ARID1A: variants seen among roughly 807,000 people sequenced by gnomAD.
The protein encoded by ARID1A is AT-rich interaction domain 1A.
A neutral mutation model predicts 212.6 loss-of-function variants in ARID1A; 20 were observed. The observed-to-expected ratio is 0.09, with a 90% CI of 0.07 to 0.14. The LOEUF (loss-of-function observed/expected upper bound fraction) is 0.14. Ranked by LOEUF, ARID1A falls within the 10% of genes least tolerant of loss-of-function variation. The probability of loss-of-function intolerance (pLI) is 1.00; values close to 1 mark genes in which losing one functional copy is unlikely to be tolerated. For missense variants in ARID1A, 2,587 were observed against 3,059.0 expected, an observed-to-expected ratio of 0.85 and a Z score of 3.64; for synonymous variants, 1,376 against 1,222.1, an observed-to-expected ratio of 1.13 and a Z score of -2.63.
chr1:26,726,218 G>C (rs1218822994), intron 1 of ARID1A, among the ~76,000 whole-genome samples: 5 of 148,736 alleles, frequency 3.4e-5, no homozygotes, highest in Non-Finnish European at 4.5e-5. Flanking sequence ...TGCTGCCCAG[G>C]ATGGAGTGCA....
chr1:26,730,000 T>A, intron 2 of ARID1A, 137 bp downstream of exon 2: 5 of 1,108,830 alleles, frequency 4.5e-6, no homozygotes, highest in Non-Finnish European at 5.2e-6. Flanking sequence ...AATTACAGAG[T>A]GCTACTAACA....
intron 4 of ARID1A, among the ~76,000 whole-genome samples, chr1:26,734,343 CT>C (rs55976597): frequency 0.59 from 71,226 of 121,322 alleles, 20,444 homozygotes; most frequent in East Asian, 0.93. Context: ...TATTTGGCTT[CT>C]TTTTTTTTTT....
At position 26,731,574 on chromosome 1, in the gene ARID1A, C is replaced by G. The variant is rs866319017; in HGVS notation, c.1773C>G (p.Ala591=). 1.2e-6 allele frequency: 2 copies of G among 1,614,066 alleles called. No individual in the cohort carries two copies. The highest frequency in any genetic ancestry group is 2.2e-5 in the South Asian group (2 of 91,076). The part of the protein sequence containing the change: ...QPQSQQSQQT[A]YSQQRFPPPQ... ...AGTCTCAGCAGTCCCAGCAAACTGC[C>G]TATTCCCAGCAGCGCTTCCCTCCAC... The change falls in exon 3 of 20, where the codon GCC becomes GCG. Residue 591 remains alanine, a synonymous_variant. Coordinates refer to ENST00000324856, the MANE Select transcript of ARID1A (RefSeq NM_006015.6).
At chr1:26,702,192 C>T (rs1306625281) in intron 1 of ARID1A, among the ~76,000 whole-genome samples, 2 of 152,134 alleles carry the variant, frequency 1.3e-5, no homozygotes, top group Non-Finnish European at 1.5e-5. Context: ...GCAAATGTTC[C>T]TGAGACTGGA....
At chr1:26,743,584 C>T (rs1042145309) in intron 4 of ARID1A, among the ~76,000 whole-genome samples, 2 of 151,494 alleles carry the variant, frequency 1.3e-5, no homozygotes, top group African/African-American at 4.9e-5. Context: ...ACCTATAGTC[C>T]CAGCACTTTG....
chr1:26,768,713 C>T (rs939805447), intron 11 of ARID1A, among the ~76,000 whole-genome samples: 1 of 152,184 alleles, frequency 6.6e-6, no homozygotes, highest in African/African-American at 2.4e-5. Flanking sequence ...GAGCTTGTGC[C>T]TACTCTGATA....
At position 26,766,473 on chromosome 1, in the gene ARID1A, A is replaced by C. The variant is rs780258218; in HGVS notation, c.2895A>C (p.Pro965=). Residue 965 remains proline, a synonymous_variant, in exon 10 of 20, where the codon CCA becomes CCC. Transcript: ENST00000324856. ...CTTTTACAGGGATGGCAGCCAGCCCAGAGATGATGGGCCTTGGGGATGTAA... is the reference window on the plus strand; with the variant it reads ...CTTTTACAGGGATGGCAGCCAGCCCCGAGATGATGGGCCTTGGGGATGTAA... ...ANNSAGMAAS[P]EMMGLGDVKL... 1.9e-6 allele frequency: 3 copies of C among 1,614,092 alleles called. No individual in the cohort carries two copies. In the African/African-American group the frequency reaches 4.0e-5, roughly 22 times the overall value.
intron 4 of ARID1A, among the ~76,000 whole-genome samples, chr1:26,744,563 A>G (rs1461213980): frequency 6.6e-6 from 1 of 152,158 alleles, no homozygotes; most frequent in Non-Finnish European, 1.5e-5. Context: ...GTTGGGCCAA[A>G]CTTGTCCTCA....
At chr1:26,698,140 C>T (rs1034594314) in intron 1 of ARID1A, among the ~76,000 whole-genome samples, 35 of 152,202 alleles carry the variant, frequency 2.3e-4, no homozygotes, top group Non-Finnish European at 2.8e-4. Flanking sequence ...CTGGGCTTCT[C>T]CCTGGAAGTG....
Position 26,774,213 on chromosome 1 carries a change from A to G in ARID1A, c.4102-116A>G. 4 of 1,472,964 alleles carry G rather than the reference A, an allele frequency of 2.7e-6. No individual in the cohort carries two copies. The highest frequency in any genetic ancestry group is 3.6e-6 in the Non-Finnish European group (4 of 1,112,272). 91.2% of individuals were successfully genotyped at this position (1,472,964 alleles called of 1,614,324 possible). A position where few individuals can be genotyped will look rare whatever the true frequency, so the allele number is the denominator to read the frequency against. ...AAGACAATTTGTTAAGGTGATTCCCATGTTTTCTTGGAGTCTGTGTCCACC... is the reference window on the plus strand; with the variant it reads ...AAGACAATTTGTTAAGGTGATTCCCGTGTTTTCTTGGAGTCTGTGTCCACC... On this transcript the variant is annotated intron_variant, in intron 17 of 19. Coordinates refer to ENST00000324856, the MANE Select transcript of ARID1A (RefSeq NM_006015.6). This position sits in a 1 kb window ranked among gnomAD's most constrained non-coding sequence, Gnocchi z 5.6.
intron 4 of ARID1A, among the ~76,000 whole-genome samples, chr1:26,759,140 A>C (rs2124047505): frequency 6.6e-6 from 1 of 152,250 alleles, no homozygotes; most frequent in Middle Eastern, 3.4e-3. Flanking sequence ...ATAGACTCAA[A>C]TCAAACCAAC....
chr1:26,779,184 GGAA>G lies in ARID1A; in HGVS notation c.5299_5301del (p.Glu1767del), dbSNP rs753766136. ...CTAGTCCAGCTCCCATGGAGGGTGG[GGAA>G]GAAGAAGAAGAACTTCTAGGTCCTA... On this transcript the variant is annotated inframe_deletion, in exon 20 of 20. Transcript: ENST00000324856. 122 of 1,608,370 alleles carry G rather than the reference GGAA, an allele frequency of 7.6e-5. No individual in the cohort carries two copies. The highest frequency in any genetic ancestry group is 6.2e-4 in the South Asian group (56 of 90,340).
At chr1:26,725,311 T>C (rs562945408) in intron 1 of ARID1A, among the ~76,000 whole-genome samples, 1 of 152,290 alleles carries the variant, frequency 6.6e-6, no homozygotes, top group African/African-American at 2.4e-5. Flanking sequence ...ATAAAACTGA[T>C]TAGTGAATAT....
In ARID1A at chr1:26,706,614, A is replaced by G. The variant is rs79289090; in HGVS notation, c.1137+9074A>G. Among the ~76,000 whole-genome samples, 1,164 of 152,300 alleles carry G rather than the reference A, an allele frequency of 7.6e-3. 21 individuals are homozygous for G. Among genetic ancestry groups the G allele is most frequent in the African/African-American group, 0.026 (1,094 of 41,548 alleles). On this transcript the variant is annotated intron_variant, in intron 1 of 19. Coordinates refer to ENST00000324856, the MANE Select transcript of ARID1A (RefSeq NM_006015.6). ...GTGGTAGAGGGATTAAAGGCCACATAGTGTTGGATGCTTCCTTTTGGAAGA... is the reference window on the plus strand; with the variant it reads ...GTGGTAGAGGGATTAAAGGCCACATGGTGTTGGATGCTTCCTTTTGGAAGA...
chr1:26,738,591 C>T (rs192318573), intron 4 of ARID1A, among the ~76,000 whole-genome samples: 2 of 152,252 alleles, frequency 1.3e-5, no homozygotes, highest in Admixed American at 1.3e-4. Context: ...CAGAGTCTTG[C>T]TCTGTCACCC....
Position 26,774,898 on chromosome 1 carries a change from C to T in ARID1A, c.4671C>T (p.Pro1557=), listed in dbSNP as rs1456027686. The part of the protein sequence containing the change: ...SHGTRQPPYG[P]SAPVPPMTRP... The stretch of plus-strand genomic sequence containing the variant: ...GCACACGCCAGCCCCCATATGGTCC[C>T]TCTGCCCCTGTGCCCCCCATGACAA... The change falls in exon 18 of 20, where the codon CCC becomes CCT. Residue 1557 remains proline, a synonymous_variant. Coordinates refer to ENST00000324856, the MANE Select transcript of ARID1A (RefSeq NM_006015.6). This position sits in a 1 kb window ranked among gnomAD's most constrained non-coding sequence, Gnocchi z 5.6. 25 of 1,570,426 alleles carry T rather than the reference C, an allele frequency of 1.6e-5. No homozygotes were observed. Among genetic ancestry groups the T allele is most frequent in the South Asian group, 2.4e-5 (2 of 83,942 alleles).
intron 1 of ARID1A, among the ~76,000 whole-genome samples, chr1:26,698,751 T>C (rs1469124102): frequency 6.6e-6 from 1 of 152,210 alleles, no homozygotes; most frequent in Non-Finnish European, 1.5e-5. Context: ...ATTTTGACAC[T>C]GGTTGCTTTG....
rs2124741626 is a variant in ARID1A at position 26,696,790 on chromosome 1, C to T, written c.387C>T (p.Ser129=). ...CCGGCGGCGGCGGTGGCGGCAGCAG[C>T]GATGGGGTGGGGGCGCCTCCTCACT... ...EPPGGGGGGS[S]DGVGAPPHSA... The change falls in exon 1 of 20, where the codon AGC becomes AGT. Residue 129 remains serine (S), a synonymous_variant. Coordinates refer to ENST00000324856, the MANE Select transcript of ARID1A (RefSeq NM_006015.6). 7.5e-7 allele frequency: 1 copy of T among 1,339,726 alleles called. No individual in the cohort carries two copies. The highest frequency in any genetic ancestry group is 1.5e-5 in the African/African-American group (1 of 64,872). 83.0% of individuals were successfully genotyped at this position (1,339,726 alleles called of 1,614,324 possible).
chr1:26,744,024 C>CT (rs2080813769), intron 4 of ARID1A, among the ~76,000 whole-genome samples: 1 of 152,094 alleles, frequency 6.6e-6, no homozygotes, highest in Non-Finnish European at 1.5e-5. Context: ...TCTGTGCCTG[C>CT]TCCCCTTGAA....
Sources: allele counts gnomAD v4.1 joint callset (sites outside exome capture counted in the v4.1 genomes callset), GRCh38; gene constraint gnomAD v4.1.1; non-coding constraint Gnocchi (gnomAD v3.1); transcripts MANE v1.5; gene names NCBI Gene and HGNC (gene_info 2026-07-23, HGNC 2026-07-21).